The following TENM3 variants were observed in gnomAD, a reference collection of about 807,000 sequenced individuals.
TENM3 encodes teneurin transmembrane protein 3.
TENM3 carries 63 observed loss-of-function variants against 255.1 expected under a neutral mutation model. The ratio of observed to expected loss-of-function variants is 0.25; its 90% confidence interval spans 0.20 to 0.30. The LOEUF is 0.30. Ranked by LOEUF, TENM3 falls within the 10% of genes least tolerant of loss-of-function variation. The pLI is 1.00. For missense variants in TENM3, 2,929 were observed against 3,461.1 expected, an observed-to-expected ratio of 0.85 and a Z score of 3.86; for synonymous variants, 1,306 against 1,322.3, an observed-to-expected ratio of 0.99 and a Z score of 0.27.
chr4:182,514,599 C>T (rs997079485), intron 3 of TENM3, among the ~76,000 whole-genome samples: 4 of 152,078 alleles, frequency 2.6e-5, no homozygotes, highest in Non-Finnish European at 5.9e-5. Context: ...CAGAACAATA[C>T]GCCTTTCTTA....
chr4:182,358,813 G>C (rs1415027839), intron 3 of TENM3, among the ~76,000 whole-genome samples: 1 of 148,604 alleles, frequency 6.7e-6, no homozygotes, highest in Non-Finnish European at 1.5e-5. Flanking sequence ...CAAAGGGAAT[G>C]CTTCCAGTTT....
chr4:182,160,599 A>G (rs562580020), intron 1 of TENM3, among the ~76,000 whole-genome samples: 1 of 152,364 alleles, frequency 6.6e-6, no homozygotes, highest in African/African-American at 2.4e-5. Flanking sequence ...AGAGAGACCA[A>G]TACCGTAGGA....
the TENM3 span, among the ~76,000 whole-genome samples, chr4:182,029,074 G>A: frequency 3.8e-3 from 572 of 152,228 alleles, 4 homozygotes; most frequent in African/African-American, 0.013. Flanking sequence ...TCACAATTCT[G>A]CAATATGTAC....
the TENM3 span, among the ~76,000 whole-genome samples, chr4:181,874,217 C>T: frequency 4.1e-4 from 63 of 152,284 alleles, no homozygotes; most frequent in African/African-American, 1.3e-3. Flanking sequence ...CTGCACCCAG[C>T]GGAGTATGGC....
At chr4:181,821,997 T>C in the TENM3 span, among the ~76,000 whole-genome samples, 2 of 152,238 alleles carry the variant, frequency 1.3e-5, no homozygotes, top group African/African-American at 4.8e-5. Flanking sequence ...AATTATTCTA[T>C]ACATTGCATT....
chr4:182,101,103 G>GAA, the TENM3 span, among the ~76,000 whole-genome samples: 21 of 52,530 alleles, frequency 4.0e-4, no homozygotes, highest in Non-Finnish European at 7.1e-4. Flanking sequence ...AGGGAGGGAG[G>GAA]GAGGAAGGAA....
chr4:182,421,183 C>T (rs1479099991), intron 3 of TENM3, among the ~76,000 whole-genome samples: 1 of 152,106 alleles, frequency 6.6e-6, no homozygotes, highest in Non-Finnish European at 1.5e-5. Flanking sequence ...TCTTCATTGT[C>T]CTCACCCCCT....
intron 1 of TENM3, among the ~76,000 whole-genome samples, chr4:182,181,223 C>T (rs535133821): frequency 1.3e-5 from 2 of 152,290 alleles, no homozygotes; most frequent in East Asian, 3.9e-4. Context: ...TCTCCCTTTG[C>T]TGTTCCCCCT....
chr4:181,657,113 A>C, the TENM3 span, among the ~76,000 whole-genome samples: 4 of 152,318 alleles, frequency 2.6e-5, no homozygotes, highest in African/African-American at 9.6e-5. Flanking sequence ...GGCTGTTAAG[A>C]GTCTGTATGT....
chr4:181,612,130 C>T, the TENM3 span, among the ~76,000 whole-genome samples: 5 of 152,306 alleles, frequency 3.3e-5, no homozygotes, highest in African/African-American at 1.2e-4. Flanking sequence ...CCCCAGAGCC[C>T]CAGCCTCTCA....
chr4:182,498,213 C>T (rs185439296), intron 3 of TENM3, among the ~76,000 whole-genome samples: 2 of 152,182 alleles, frequency 1.3e-5, no homozygotes, highest in Non-Finnish European at 2.9e-5. Flanking sequence ...ACATAGGCTT[C>T]TTGGAAGGAA....
intron 1 of TENM3, among the ~76,000 whole-genome samples, chr4:182,243,946 CTTTTTTTTTTT>C (rs967487689): frequency 4.1e-5 from 3 of 72,882 alleles, no homozygotes; most frequent in African/African-American, 1.1e-4. Context: ...TTTGTGTTTT[CTTTTTTTTTTT>C]TTTTTTTTTT....
intron 3 of TENM3, among the ~76,000 whole-genome samples, chr4:182,459,799 A>G (rs6830998): frequency 0.29 from 44,188 of 152,084 alleles, 7,729 homozygotes; most frequent in East Asian, 0.51. Flanking sequence ...ACTGATTAAT[A>G]CTTGAGTTTT....
At chr4:182,450,811 G>C (rs1025652847) in intron 3 of TENM3, among the ~76,000 whole-genome samples, 1 of 152,134 alleles carries the variant, frequency 6.6e-6, no homozygotes, top group Non-Finnish European at 1.5e-5. Flanking sequence ...GTATAAGAGC[G>C]TTACCTTCCT....
intron 3 of TENM3, among the ~76,000 whole-genome samples, chr4:182,454,191 A>G (rs1773696815): frequency 6.6e-6 from 1 of 152,224 alleles, no homozygotes; most frequent in Admixed American, 6.5e-5. Context: ...TGGCTATTTT[A>G]TGACAGCCAC....
chr4:181,645,346 C>A, the TENM3 span, among the ~76,000 whole-genome samples: 6 of 152,134 alleles, frequency 3.9e-5, no homozygotes, highest in African/African-American at 1.4e-4. Flanking sequence ...GCATGGTGCC[C>A]CTCTGTGGCC....
At position 182,174,527 on chromosome 4, in the gene TENM3, C is replaced by CAA. The variant is rs1554026056; in HGVS notation, c.-76+29774_-76+29775insAA. On this transcript the variant is annotated intron_variant, in intron 1 of 2. Transcript: ENST00000512480. The stretch of plus-strand genomic sequence containing the variant: ...TCACACACACACACACACACACACA[C>CAA]ACACAAACACACACTTTAACAGGGA... 6.5e-4 allele frequency among the ~76,000 whole-genome samples: 97 copies of CAA among 149,866 alleles called. 1 individual carries two copies. Among genetic ancestry groups the CAA allele is most frequent in the Non-Finnish European group, 3.4e-4 (23 of 67,584 alleles).
chr4:181,589,509 A>G, the TENM3 span, among the ~76,000 whole-genome samples: 2 of 152,232 alleles, frequency 1.3e-5, no homozygotes, highest in Non-Finnish European at 2.9e-5. Context: ...GATTGGAGAG[A>G]TTAAACTAAA....
chr4:182,074,585 AG>A, the TENM3 span, among the ~76,000 whole-genome samples: 1 of 152,228 alleles, frequency 6.6e-6, no homozygotes, highest in African/African-American at 2.4e-5. Flanking sequence ...CACAAACAAA[AG>A]CTATTGTTGC....
Sources: allele counts gnomAD v4.1 joint callset (sites outside exome capture counted in the v4.1 genomes callset), GRCh38; gene constraint gnomAD v4.1.1; transcripts MANE v1.5; gene names NCBI Gene and HGNC (gene_info 2026-07-23, HGNC 2026-07-21).